TGFA: variants seen among roughly 807,000 people sequenced by gnomAD.
TGFA encodes the protein protransforming growth factor alpha.
In TGFA, 12 loss-of-function variants were observed where a neutral mutation model predicts 21.7. The observed-to-expected ratio is 0.55, with a 90% CI of 0.35 to 0.90. The LOEUF is 0.90. TGFA is among the 40% of genes least tolerant of loss of function. The pLI is 0.01. For synonymous variants in TGFA, 79 were observed against 88.1 expected (o/e 0.90, Z 0.58); for missense variants, 178 against 210.8 (o/e 0.84, Z 0.96).
intron 2 of TGFA, among the ~76,000 whole-genome samples, chr2:70,497,676 A>G (rs373628675): frequency 6.6e-6 from 1 of 152,198 alleles, no homozygotes; most frequent in South Asian, 2.1e-4. Flanking sequence ...AGTGGCCTCC[A>G]GGTTTTGAAA....
chr2:70,549,300 C>CAT (rs1291319162), intron 1 of TGFA, among the ~76,000 whole-genome samples: 2 of 152,184 alleles, frequency 1.3e-5, no homozygotes, highest in Non-Finnish European at 2.9e-5. Flanking sequence ...TTCACGGTGG[C>CAT]ATTTACAAGC....
chr2:70,507,791 T>C (rs577317839), intron 2 of TGFA, among the ~76,000 whole-genome samples: 1 of 152,236 alleles, frequency 6.6e-6, no homozygotes, highest in Non-Finnish European at 1.5e-5. Context: ...AGATGCGCTA[T>C]TAACTGAGCT....
intron 2 of TGFA, among the ~76,000 whole-genome samples, chr2:70,490,870 G>A (rs1031483246): frequency 1.3e-5 from 2 of 152,188 alleles, no homozygotes; most frequent in Non-Finnish European, 2.9e-5. Context: ...AAAACATAAA[G>A]TGTAGATATG....
chr2:70,455,855 G>A (rs1310844049), intron 4 of TGFA, among the ~76,000 whole-genome samples: 3 of 152,188 alleles, frequency 2.0e-5, no homozygotes, highest in Non-Finnish European at 4.4e-5. Context: ...GGAGGATGAG[G>A]AGGGGCAGAG....
intron 1 of TGFA, among the ~76,000 whole-genome samples, chr2:70,520,726 A>G (rs1672422666): frequency 6.6e-6 from 1 of 151,900 alleles, no homozygotes; most frequent in Non-Finnish European, 1.5e-5. Context: ...TGAAGTTATC[A>G]CTACAGCCCA....
intron 1 of TGFA, among the ~76,000 whole-genome samples, chr2:70,546,769 G>T (rs1307425705): frequency 6.6e-6 from 1 of 152,050 alleles, no homozygotes; most frequent in Non-Finnish European, 1.5e-5. Flanking sequence ...TGCCCAGGCT[G>T]GTCTTGAACT....
chr2:70,553,275 G>C, intron 1 of TGFA: 1 of 1,534,954 alleles, frequency 6.5e-7, no homozygotes. Context: ...AGGTGGGCAG[G>C]GGGTGCCAAA....
At chr2:70,553,558 T>G in intron 1 of TGFA, 170 bp downstream of exon 1, 1 of 1,344,688 alleles carries the variant, frequency 7.4e-7, no homozygotes, top group Non-Finnish European at 9.5e-7. Flanking sequence ...GTCCCCTCTT[T>G]GTCATTCTTA....
chr2:70,488,430 G>T (rs558479533), intron 2 of TGFA, among the ~76,000 whole-genome samples: 1 of 151,998 alleles, frequency 6.6e-6, no homozygotes, highest in Non-Finnish European at 1.5e-5. Context: ...AACTCCATTT[G>T]TTGAACAGTT....
rs557799131 is a variant in TGFA at position 70,485,178 on chromosome 2, C to T, written c.95-19442G>A. On this transcript the variant is annotated intron_variant, in intron 2 of 5. Coordinates refer to ENST00000295400, the MANE Select transcript of TGFA (RefSeq NM_003236.4). ...GCAATACTGTGTTCTGTAGCCTTAC[C>T]GCTCTTCCTTCTTCTCTCAAGCTCA... Among the ~76,000 whole-genome samples, 197 of 152,122 alleles carry T rather than the reference C, an allele frequency of 1.3e-3. 1 individual carries two copies. Among genetic ancestry groups the T allele is most frequent in the Non-Finnish European group, 1.5e-3 (101 of 68,022 alleles).
intron 1 of TGFA, among the ~76,000 whole-genome samples, chr2:70,517,343 CCT>C (rs1672315858): frequency 6.6e-6 from 1 of 152,160 alleles, no homozygotes; most frequent in African/African-American, 2.4e-5. Context: ...CAGCTGAGGC[CCT>C]GTGATGAGCG....
chr2:70,548,315 C>T (rs1673378956), intron 1 of TGFA, among the ~76,000 whole-genome samples: 1 of 152,052 alleles, frequency 6.6e-6, no homozygotes, highest in African/African-American at 2.4e-5. Flanking sequence ...AGGAAGAAGC[C>T]CTCAAACTGA....
At chr2:70,481,655 A>G (rs1671125227) in intron 2 of TGFA, among the ~76,000 whole-genome samples, 1 of 152,210 alleles carries the variant, frequency 6.6e-6, no homozygotes, top group Non-Finnish European at 1.5e-5. Flanking sequence ...GACCAATAGA[A>G]TATGAATGGG....
intron 2 of TGFA, among the ~76,000 whole-genome samples, chr2:70,472,237 A>T (rs890166786): frequency 6.6e-5 from 10 of 152,114 alleles, no homozygotes; most frequent in Admixed American, 3.9e-4. Context: ...GGCCCCCAGG[A>T]CTCTGGCCCA....
intron 2 of TGFA, among the ~76,000 whole-genome samples, chr2:70,486,045 T>C (rs1671263034): frequency 6.6e-6 from 1 of 152,208 alleles, no homozygotes; most frequent in Non-Finnish European, 1.5e-5. Context: ...ATATCTTAAT[T>C]ACAGTGCCCT....
chr2:70,499,256 T>A (rs1671667230), intron 2 of TGFA, among the ~76,000 whole-genome samples: 1 of 152,224 alleles, frequency 6.6e-6, no homozygotes, highest in Admixed American at 6.5e-5. Context: ...GAGCTAGGTA[T>A]GGCCATATGA....
chr2:70,521,594 G>GT (rs1298368482), intron 1 of TGFA, among the ~76,000 whole-genome samples: 5 of 111,958 alleles, frequency 4.5e-5, no homozygotes, highest in African/African-American at 7.1e-5. Context: ...ACTATTGATA[G>GT]TTTTTTTTGT....
In TGFA at chr2:70,552,082, T is replaced by G. The variant is rs539288177; in HGVS notation, c.40+1646A>C. ...CACATAATCTCTCTTTAAGGCAAAG[T>G]CCCAAAAGAGAGATGGGACTATAAT... On this transcript the variant is annotated intron_variant, in intron 1 of 5. Coordinates refer to ENST00000295400, the MANE Select transcript of TGFA (RefSeq NM_003236.4). Among the ~76,000 whole-genome samples the G allele has an allele frequency of 2.2e-4, 33 of 152,284 alleles. No homozygotes were observed. The South Asian group carries it at 2.7e-3, about 12-fold the overall frequency.
chr2:70,461,202 A>T (rs1206730768), intron 3 of TGFA, among the ~76,000 whole-genome samples: 1 of 152,148 alleles, frequency 6.6e-6, no homozygotes, highest in African/African-American at 2.4e-5. Flanking sequence ...CATGCCTTTA[A>T]CTGTGCTGTC....
Sources: gnomAD v4.1 joint callset for allele counts (sites outside exome capture counted in the v4.1 genomes callset) on GRCh38, gnomAD v4.1.1 for gene constraint, MANE v1.5 for transcripts, NCBI Gene and HGNC (gene_info 2026-07-23, HGNC 2026-07-21) for gene names.